Variants in NPAS3 observed in about 807,000 individuals in gnomAD.
NPAS3 encodes the protein neuronal PAS domain protein 3, also known as neuronal PAS domain-containing protein 3.
NPAS3 carries 14 observed loss-of-function variants against 73.1 expected under a neutral mutation model. The observed-to-expected ratio is 0.19, with a 90% confidence interval of 0.13 to 0.30. NPAS3 has a LOEUF of 0.30. Among genes scored for constraint, NPAS3 ranks in the 10% least tolerant of loss-of-function variants. NPAS3 has a pLI of 1.00. For synonymous variants in NPAS3, 620 were observed against 541.5 expected, an observed-to-expected ratio of 1.14 and a Z score of -2.01; for missense variants, 1,096 against 1,250.0, an observed-to-expected ratio of 0.88 and a Z score of 1.86.
intron 4 of NPAS3, among the ~76,000 whole-genome samples, chr14:33,385,539 A>G (rs767906692): frequency 1.4e-4 from 22 of 152,244 alleles, no homozygotes; most frequent in Non-Finnish European, 2.6e-4. Context: ...AAACTGACAA[A>G]ACAGGTAAGT....
chr14:33,622,456 G>A (rs1224576749), intron 5 of NPAS3, among the ~76,000 whole-genome samples: 1 of 152,116 alleles, frequency 6.6e-6, no homozygotes, highest in Non-Finnish European at 1.5e-5. Flanking sequence ...TTGACTGCCT[G>A]CCAATAGAAT....
rs61640170 is a variant in NPAS3 at position 33,452,774 on chromosome 14, C to CAAAAAAA, written c.468+85525_468+85531dup. ...TGGGCGACAGAGTTAGACTCTGTCT[C>CAAAAAAA]AAAAAAAAAAAAAAAAAAAAAAAAA... On this transcript the variant is annotated intron_variant, in intron 4 of 11. Transcript: ENST00000356141. Among the ~76,000 whole-genome samples the CAAAAAAA allele has an allele frequency of 5.3e-3, 283 of 53,822 alleles. 60 individuals carry two copies. Among genetic ancestry groups the CAAAAAAA allele is most frequent in the African/African-American group, 0.021 (264 of 12,868 alleles). The allele number at this position is 53,822 out of a possible 152,430, so 35.3% of individuals were successfully genotyped here. A position where few individuals can be genotyped will look rare whatever the true frequency, so the allele number is the denominator to read the frequency against.
chr14:33,079,453 G>A (rs2138708236), intron 2 of NPAS3, among the ~76,000 whole-genome samples: 1 of 150,958 alleles, frequency 6.6e-6, no homozygotes, highest in South Asian at 2.1e-4. Context: ...CGAGTAGCTG[G>A]GATCACAGGT....
chr14:33,326,328 G>A (rs2043703356), intron 3 of NPAS3, among the ~76,000 whole-genome samples: 4 of 152,156 alleles, frequency 2.6e-5, no homozygotes, highest in Non-Finnish European at 5.9e-5. Context: ...GAAGGAAACA[G>A]AGAATGCAGA....
chr14:33,559,138 A>G (rs1200346041), intron 4 of NPAS3, among the ~76,000 whole-genome samples: 1 of 152,174 alleles, frequency 6.6e-6, no homozygotes, highest in Non-Finnish European at 1.5e-5. Context: ...GATGTGTAGC[A>G]TCCTTTTTCT....
intron 2 of NPAS3, among the ~76,000 whole-genome samples, chr14:33,203,780 C>T (rs2139604946): frequency 6.6e-6 from 1 of 152,286 alleles, no homozygotes; most frequent in African/African-American, 2.4e-5. Flanking sequence ...CCGCAATAAA[C>T]ATATGTGTGC....
chr14:33,425,540 CT>C (rs35858110), intron 4 of NPAS3, among the ~76,000 whole-genome samples: 270 of 140,386 alleles, frequency 1.9e-3, no homozygotes, highest in Non-Finnish European at 1.8e-3. Flanking sequence ...TCCACTCCAC[CT>C]TTTTTTTTTT....
intron 4 of NPAS3, among the ~76,000 whole-genome samples, chr14:33,518,773 G>A (rs1440156613): frequency 8.9e-6 from 1 of 112,066 alleles, no homozygotes; most frequent in African/African-American, 3.1e-5. Context: ...CCTCTCTTTA[G>A]TGTTCCCCAA....
intron 11 of NPAS3, 58 bp downstream of exon 11, chr14:33,797,639 T>C: frequency 6.3e-7 from 1 of 1,579,748 alleles, no homozygotes; most frequent in Non-Finnish European, 8.6e-7. Context: ...GCGCAGGGGG[T>C]GGGCAACAGC....
At chr14:33,479,611 AAGTTCTTATAGG>A in intron 4 of NPAS3, among the ~76,000 whole-genome samples, 1 of 152,190 alleles carries the variant, frequency 6.6e-6, no homozygotes, top group South Asian at 2.1e-4. Context: ...GGGTACAGCA[AAGTTCTTATAGG>A]AGTTGGCAGC....
At chr14:32,956,237 T>C (rs2036665162) in intron 1 of NPAS3, among the ~76,000 whole-genome samples, 1 of 152,146 alleles carries the variant, frequency 6.6e-6, no homozygotes. Context: ...TAATTTAAGT[T>C]GATTAGGCCA....
intron 4 of NPAS3, among the ~76,000 whole-genome samples, chr14:33,448,791 G>A (rs1015536815): frequency 3.3e-5 from 5 of 152,108 alleles, no homozygotes; most frequent in East Asian, 1.9e-4. Flanking sequence ...TCTTCCAAAT[G>A]TCCGTACAGA....
At chr14:33,648,459 G>T (rs2058898125) in intron 5 of NPAS3, among the ~76,000 whole-genome samples, 1 of 152,124 alleles carries the variant, frequency 6.6e-6, no homozygotes, top group Admixed American at 6.5e-5. Flanking sequence ...CAGAAAACTT[G>T]TTTAACATTA....
chr14:32,938,483 A>C (rs943605307), upstream of NPAS3, among the ~76,000 whole-genome samples: 1 of 19,496 alleles, frequency 5.1e-5, no homozygotes, highest in Non-Finnish European at 8.9e-5. Context: ...GAGAGAGAGA[A>C]ATTGAGAGAG....
At chr14:33,148,413 C>T (rs988434777) in intron 2 of NPAS3, among the ~76,000 whole-genome samples, 4 of 151,962 alleles carry the variant, frequency 2.6e-5, no homozygotes, top group Non-Finnish European at 4.4e-5. Flanking sequence ...ATGCCCTGTC[C>T]ATTATGGTAG....
intron 1 of NPAS3, among the ~76,000 whole-genome samples, chr14:32,969,178 C>G (rs182252408): frequency 1.3e-5 from 2 of 152,290 alleles, no homozygotes; most frequent in East Asian, 3.9e-4. Flanking sequence ...ACACCAGAGG[C>G]TGCCTGAGTG....
intron 5 of NPAS3, chr14:33,560,498 A>T (rs1218714640): frequency 3.8e-6 from 1 of 261,272 alleles, no homozygotes; most frequent in Non-Finnish European, 7.3e-6. Context: ...TGAACTTTGA[A>T]ACCTCTGTGC....
chr14:33,681,507 A>T (rs563074889), intron 6 of NPAS3, among the ~76,000 whole-genome samples: 199 of 152,292 alleles, frequency 1.3e-3, no homozygotes, highest in Middle Eastern at 3.4e-3. Flanking sequence ...AGCTGTTAAT[A>T]ATGTCACTCC....
chr14:33,520,261 C>T lies in NPAS3; in HGVS notation c.469-39860C>T, dbSNP rs977537589. ...AGTTTCTGTGCCTCAGAGGAGGCTA[C>T]GTTTCAGTGGTGTGTGGGGTGACCC... On this transcript the variant is annotated intron_variant, in intron 4 of 11. Coordinates refer to ENST00000356141, the Ensembl canonical transcript of NPAS3. Among the ~76,000 whole-genome samples the T allele has an allele frequency of 8.0e-4, 122 of 152,058 alleles. 6 individuals are homozygous for T. The highest frequency in any genetic ancestry group is 4.8e-5 in the African/African-American group (2 of 41,404).
Sources: allele counts gnomAD v4.1 joint callset (sites outside exome capture counted in the v4.1 genomes callset), GRCh38; gene constraint gnomAD v4.1.1; transcripts MANE v1.5; gene names NCBI Gene and HGNC (gene_info 2026-07-23, HGNC 2026-07-21).